Variants in RPS6 observed in about 807,000 individuals in gnomAD.
RPS6 encodes ribosomal protein S6, also known as small ribosomal subunit protein eS6.
In RPS6, 1 loss-of-function variant was observed where a neutral mutation model predicts 27.1. The ratio of observed to expected loss-of-function variants is 0.04; its 90% CI spans 0.01 to 0.18. The LOEUF is 0.18. Among genes scored for constraint, RPS6 ranks in the 10% least tolerant of loss-of-function variants. The pLI is 1.00. For missense variants in RPS6, 259 were observed against 319.1 expected, an observed-to-expected ratio of 0.81 and a Z score of 1.44; for synonymous variants, 152 against 106.0, an observed-to-expected ratio of 1.43 and a Z score of -2.66.
Position 19,378,506 on chromosome 9 carries a change from C to G in RPS6, c.358G>C (p.Asp120His). The change falls in exon 4 of 6, where the codon GAT becomes CAT. Residue 120 changes from aspartate to histidine, a missense_variant. Physicochemically the swap from Asp to His is moderately conservative, Grantham distance 81. Coordinates refer to ENST00000380394, the MANE Select transcript of RPS6 (RefSeq NM_001010.3). ...NLVIVKKGEKDIPGLTDTTVP... is the reference protein window; with the variant it reads ...NLVIVKKGEKHIPGLTDTTVP... The stretch of plus-strand genomic sequence containing the variant: ...GTAGTATCAGTCAGTCCAGGAATAT[C>G]CTTCTCTCCTTAGAAGAAACAGTTG... The G allele has an allele frequency of 6.2e-7, 1 of 1,612,532 alleles. No individual in the cohort carries two copies. Among genetic ancestry groups the G allele is most frequent in the Non-Finnish European group, 8.5e-7 (1 of 1,179,656 alleles).
At chr9:19,379,040 C>G (rs527628871) in intron 2 of RPS6, 122 bp from the exon 3 acceptor site, 33 of 1,006,644 alleles carry the variant, frequency 3.3e-5, no homozygotes, top group Non-Finnish European at 3.7e-5. Flanking sequence ...CCAATTTGAA[C>G]TTAAGCACGT....
At position 19,375,951 on chromosome 9, in the gene RPS6, T is replaced by C. The variant is rs3198076; in HGVS notation, c.*342A>G. 1 of 172,386 alleles carries C rather than the reference T, an allele frequency of 5.8e-6. No individual in the cohort carries two copies. Among genetic ancestry groups the C allele is most frequent in the Admixed American group, 5.6e-5 (1 of 17,796 alleles). The allele number at this position is 172,386 out of a possible 1,614,324, so 10.7% of individuals were successfully genotyped here. A position where few individuals can be genotyped will look rare whatever the true frequency, so the allele number is the denominator to read the frequency against. ...TTTTCATGTATTAAATTGTGTATAG[T>C]GCTTTAAAGAGCTATATTCCTCAAA... On this transcript the variant is annotated 3_prime_UTR_variant, in exon 6 of 6. Transcript: ENST00000380394.
chr9:19,378,518 A>T lies in RPS6; in HGVS notation c.350-4T>A. The T allele has an allele frequency of 1.2e-6, 2 of 1,610,582 alleles. No homozygotes were observed. The highest frequency in any genetic ancestry group is 1.7e-6 in the Non-Finnish European group (2 of 1,179,074). ...AGTCCAGGAATATCCTTCTCTCCTT[A>T]GAAGAAACAGTTGAAGAGATTTTAA... On this transcript the variant is annotated splice_polypyrimidine_tract_variant and splice_region_variant and intron_variant, in intron 3 of 5. Transcript: ENST00000380394.
At position 19,376,408 on chromosome 9, in the gene RPS6, A is replaced by G. The variant is rs1829588639; in HGVS notation, c.655-20T>C. Reference sequence around the variant, plus strand: ...AGCCTCCTAAACAAAACAAAACAGCAAACAGTTAAGGCCTTTCTGGGTTAA... The same window carrying G: ...AGCCTCCTAAACAAAACAAAACAGCGAACAGTTAAGGCCTTTCTGGGTTAA... On this transcript the variant is annotated intron_variant, in intron 5 of 5. Transcript: ENST00000380394. 1.9e-6 allele frequency: 3 copies of G among 1,613,560 alleles called. No individual in the cohort carries two copies. The highest frequency in any genetic ancestry group is 2.5e-6 in the Non-Finnish European group (3 of 1,179,814).
intron 2 of RPS6, chr9:19,379,220 G>T: frequency 8.1e-7 from 1 of 1,241,818 alleles, no homozygotes; most frequent in Non-Finnish European, 1.1e-6. Flanking sequence ...GGCACTTTGG[G>T]GATTATGAGG....
chr9:19,376,056 T>C lies in RPS6; in HGVS notation c.*237A>G, dbSNP rs1829576446. 1.2e-5 allele frequency: 5 copies of C among 414,940 alleles called. No homozygotes were observed. The South Asian group carries it at 1.7e-4, about 14-fold the overall frequency. The allele number at this position is 414,940 out of a possible 1,614,324, so 25.7% of individuals were successfully genotyped here. ...CCATTCTGAAGAGGCAGGTGTCTTA[T>C]GCTCAGAATCCCTTCCTGTGCCACC... On this transcript the variant is annotated 3_prime_UTR_variant, in exon 6 of 6. Coordinates refer to ENST00000380394, the MANE Select transcript of RPS6 (RefSeq NM_001010.3).
chr9:19,379,133 G>A (rs915425518), intron 2 of RPS6: 6 of 770,726 alleles, frequency 7.8e-6, no homozygotes, highest in East Asian at 2.7e-5. Flanking sequence ...ATTTCTAACC[G>A]ATGTTTTATT....
chr9:19,377,853 T>G (rs1331150203), intron 4 of RPS6, among the ~76,000 whole-genome samples: 1 of 152,224 alleles, frequency 6.6e-6, no homozygotes, highest in African/African-American at 2.4e-5. Flanking sequence ...CAACTTCTTT[T>G]GTAAGCCAAA....
chr9:19,377,200 T>C (rs1829602942), intron 4 of RPS6, among the ~76,000 whole-genome samples: 1 of 152,194 alleles, frequency 6.6e-6, no homozygotes, highest in Non-Finnish European at 1.5e-5. Context: ...GATGTATTTG[T>C]TTCATGGACA....
Position 19,375,843 on chromosome 9 carries a change from T to C in RPS6, c.*450A>G, listed in dbSNP as rs990480599. 8.8e-6 allele frequency: 1 copy of C among 113,908 alleles called. No homozygotes were observed. The highest frequency in any genetic ancestry group is 8.4e-5 in the Admixed American group (1 of 11,908). The allele number at this position is 113,908 out of a possible 1,614,324, so 7.1% of individuals were successfully genotyped here. A position where few individuals can be genotyped will look rare whatever the true frequency, so the allele number is the denominator to read the frequency against. The stretch of plus-strand genomic sequence containing the variant: ...GGCTTAAAAACCATTTAGTGGATGG[T>C]ATCCACTAAAACTAGGTATCCACTA... On this transcript the variant is annotated 3_prime_UTR_variant, in exon 6 of 6. Coordinates refer to ENST00000380394, the MANE Select transcript of RPS6 (RefSeq NM_001010.3).
intron 1 of RPS6, chr9:19,379,952 C>T: frequency 7.0e-7 from 1 of 1,437,076 alleles, no homozygotes; most frequent in South Asian, 1.5e-5. Flanking sequence ...CGCATCCGTC[C>T]CGGCTGGGCG....
chr9:19,379,376 A>C (rs770848852), intron 2 of RPS6, 111 bp downstream of exon 2: 3 of 1,558,620 alleles, frequency 1.9e-6, no homozygotes, highest in South Asian at 1.2e-5. Flanking sequence ...GAAGCAACTT[A>C]CCAAAGGTCA....
At chr9:19,379,728 C>G in intron 1 of RPS6, 110 bp from the exon 2 acceptor site, 1 of 1,509,282 alleles carries the variant, frequency 6.6e-7, no homozygotes, top group South Asian at 1.3e-5. Flanking sequence ...TGCCTCCACA[C>G]AAGCAGGAAA....
rs765628443 is a variant in RPS6 at position 19,380,205 on chromosome 9, G to A, written c.-10C>T. On this transcript the variant is annotated 5_prime_UTR_variant, in exon 1 of 6. Coordinates refer to ENST00000380394, the MANE Select transcript of RPS6 (RefSeq NM_001010.3). ...CATCACCTACCTTCATCTTGAAGCA[G>A]CTGAACGCCTCCGAGGCGCCACGGA... 3.7e-6 allele frequency: 6 copies of A among 1,613,294 alleles called. No homozygotes were observed. The highest frequency in any genetic ancestry group is 3.3e-5 in the South Asian group (3 of 91,090).
Position 19,378,441 on chromosome 9 carries a change from G to A in RPS6, c.423C>T (p.Ile141=). 3 of 1,614,002 alleles carry A rather than the reference G, an allele frequency of 1.9e-6. No individual in the cohort carries two copies. The highest frequency in any genetic ancestry group is 1.7e-5 in the Admixed American group (1 of 60,012). Residue 141 remains isoleucine, a synonymous_variant, in exon 4 of 6, where the codon ATC becomes ATT. Transcript: ENST00000380394. ...CTTTAGAGAGATTGAAAAGTTTGCG[G>A]ATTCTGCTAGCTCTTTTGGGGCCCA... ...RRLGPKRASR[I]RKLFNLSKED...
Position 19,379,158 on chromosome 9 carries a change from T to C in RPS6, c.139-240A>G, listed in dbSNP as rs1223099616. 4.9e-6 allele frequency: 4 copies of C among 819,168 alleles called. No individual in the cohort carries two copies. In the African/African-American group the frequency reaches 6.9e-5, roughly 14 times the overall value. The allele number at this position is 819,168 out of a possible 1,614,324, so 50.7% of individuals were successfully genotyped here. ...GATGTTTTATTAGAGATAACAGCAC[T>C]AAGAAGATAAAATATCAAACAGCAA... On this transcript the variant is annotated intron_variant, in intron 2 of 5. Coordinates refer to ENST00000380394, the MANE Select transcript of RPS6 (RefSeq NM_001010.3).
rs185633444 is a variant in RPS6, at chr9:19,377,100, G to A, written c.497-449C>T. On this transcript the variant is annotated intron_variant, in intron 4 of 5. Coordinates refer to ENST00000380394, the MANE Select transcript of RPS6 (RefSeq NM_001010.3). Reference sequence around the variant, plus strand: ...GTTAACTATTAACATCAGATTAGGTGGCATGTTGTTAAAGTATCTTCATTA... The same window carrying A: ...GTTAACTATTAACATCAGATTAGGTAGCATGTTGTTAAAGTATCTTCATTA... Among the ~76,000 whole-genome samples, 301 of 152,212 alleles carry A rather than the reference G, an allele frequency of 2.0e-3. 3 individuals carry two copies. The highest frequency in any genetic ancestry group is 3.8e-3 in the Non-Finnish European group (257 of 68,026).
intron 2 of RPS6, 112 bp downstream of exon 2, chr9:19,379,375 T>C: frequency 6.4e-7 from 1 of 1,558,316 alleles, no homozygotes; most frequent in Non-Finnish European, 8.7e-7. Flanking sequence ...GGAAGCAACT[T>C]ACCAAAGGTC....
At chr9:19,379,291 T>C (rs2132428311) in intron 2 of RPS6, 196 bp downstream of exon 2, 1 of 1,472,426 alleles carries the variant, frequency 6.8e-7, no homozygotes, top group South Asian at 1.4e-5. Context: ...TGATGTAAAC[T>C]TTACGTATAT....
Sources: gnomAD v4.1 joint callset for allele counts (sites outside exome capture counted in the v4.1 genomes callset) on GRCh38, gnomAD v4.1.1 for gene constraint, MANE v1.5 for transcripts, NCBI Gene and HGNC (gene_info 2026-07-23, HGNC 2026-07-21) for gene names.